Variants in SCYL2 observed in about 807,000 individuals in gnomAD.
SCYL2 encodes SCY1 like pseudokinase 2.
In SCYL2, 36 loss-of-function variants were observed where a neutral mutation model predicts 100.4. That is an observed-to-expected ratio of 0.36 (90% confidence interval 0.27 to 0.47). SCYL2 has a LOEUF of 0.47. Ranked by LOEUF, SCYL2 falls within the 20% of genes least tolerant of loss-of-function variation. The probability of loss-of-function intolerance (pLI) is 1.00; values close to 1 mark genes in which losing one functional copy is unlikely to be tolerated. For missense variants in SCYL2, 902 were observed against 1,083.9 expected (o/e 0.83, Z 2.36); for synonymous variants, 330 against 359.2 (o/e 0.92, Z 0.92).
At chr12:100,323,833 A>T in intron 11 of SCYL2, 195 bp downstream of exon 11, 1 of 353,888 alleles carries the variant, frequency 2.8e-6, no homozygotes, top group Middle Eastern at 3.4e-4. Flanking sequence ...TCCTAACCTT[A>T]CTTGCTGTCC....
intron 1 of SCYL2, among the ~76,000 whole-genome samples, chr12:100,278,869 C>CAAAAG (rs2096295255): frequency 6.6e-6 from 1 of 152,136 alleles, no homozygotes; most frequent in African/African-American, 2.4e-5. Flanking sequence ...ACCTTGTGAT[C>CAAAAG]TGCCTACCTC....
At chr12:100,275,119 T>C (rs544440182) in intron 1 of SCYL2, among the ~76,000 whole-genome samples, 30 of 152,224 alleles carry the variant, frequency 2.0e-4, no homozygotes, top group Non-Finnish European at 3.7e-4. Flanking sequence ...CTTGTTAAAT[T>C]TATTCATAGG....
Position 100,267,249 on chromosome 12 carries a change from G to T in SCYL2, c.-572G>T. The T allele has an allele frequency of 3.0e-6, 2 of 661,072 alleles. No individual in the cohort carries two copies. Among genetic ancestry groups the T allele is most frequent in the South Asian group, 4.3e-5 (2 of 46,974 alleles). The allele number at this position is 661,072 out of a possible 1,614,324, so 41.0% of individuals were successfully genotyped here. On this transcript the variant is annotated 5_prime_UTR_variant, in exon 1 of 18. Transcript: ENST00000360820. Reference sequence around the variant, plus strand: ...CCACCCCTTTCCTTCTAGCTCCGACGTTTGCGGCCGCGGGGGCGGCGGAGG... The same window carrying T: ...CCACCCCTTTCCTTCTAGCTCCGACTTTTGCGGCCGCGGGGGCGGCGGAGG...
intron 2 of SCYL2, among the ~76,000 whole-genome samples, chr12:100,290,453 G>A (rs1189713565): frequency 1.3e-5 from 2 of 152,146 alleles, no homozygotes; most frequent in Admixed American, 6.5e-5. Flanking sequence ...AGTTATGTTT[G>A]AGAAATTTAT....
chr12:100,282,536 G>C (rs1360828428), intron 1 of SCYL2, among the ~76,000 whole-genome samples: 2 of 151,956 alleles, frequency 1.3e-5, no homozygotes, highest in Non-Finnish European at 2.9e-5. Context: ...ATGTTGGCCA[G>C]CTGGTCTCAA....
intron 2 of SCYL2, among the ~76,000 whole-genome samples, chr12:100,286,534 G>C (rs564392225): frequency 6.6e-6 from 1 of 152,138 alleles, no homozygotes; most frequent in Admixed American, 6.5e-5. Flanking sequence ...TTGTTGACCT[G>C]ATAGTTTTGC....
Position 100,339,103 on chromosome 12 carries a change from T to C in SCYL2, c.2721T>C (p.Phe907=). ...QGNPFFNPQN[F]AQPPTTMTNS... ...ATCCTTTCTTTAACCCACAGAACTT[T>C]GCACAGCCACCAACTACTATGACCA... Residue 907 remains phenylalanine (F), a synonymous_variant, in exon 18 of 18, where the codon TTT becomes TTC. Coordinates refer to ENST00000360820, the MANE Select transcript of SCYL2 (RefSeq NM_017988.6). The C allele has an allele frequency of 1.9e-6, 3 of 1,614,082 alleles. No homozygotes were observed. Among genetic ancestry groups the C allele is most frequent in the Non-Finnish European group, 1.7e-6 (2 of 1,179,950 alleles).
chr12:100,325,663 C>T (rs1170974332), intron 11 of SCYL2, among the ~76,000 whole-genome samples: 2 of 151,940 alleles, frequency 1.3e-5, no homozygotes, highest in African/African-American at 2.4e-5. Flanking sequence ...GTAAAATCCT[C>T]CAAGAGCTAT....
At position 100,314,543 on chromosome 12, in the gene SCYL2, T is replaced by C. The variant is rs1236365778; in HGVS notation, c.1024T>C (p.Phe342Leu). Residue 342 changes from phenylalanine (F) to leucine (L), a missense_variant, in exon 8 of 18, where the codon TTC becomes CTC. Physicochemically the swap from Phe to Leu is conservative, Grantham distance 22. Coordinates refer to ENST00000360820, the MANE Select transcript of SCYL2 (RefSeq NM_017988.6). ...AVTLQYFDTL[F>L]QRDNLQKSQF... Reference sequence around the variant, plus strand: ...AACACTGCAATATTTTGATACCTTATTCCAAAGAGATAATCTTCAGAAATC... The same window carrying C: ...AACACTGCAATATTTTGATACCTTACTCCAAAGAGATAATCTTCAGAAATC... 6.3e-7 allele frequency: 1 copy of C among 1,599,600 alleles called. No individual in the cohort carries two copies. The highest frequency in any genetic ancestry group is 2.2e-5 in the East Asian group (1 of 44,472).
At chr12:100,313,216 A>G (rs2096344309) in intron 6 of SCYL2, among the ~76,000 whole-genome samples, 1 of 152,220 alleles carries the variant, frequency 6.6e-6, no homozygotes, top group Non-Finnish European at 1.5e-5. Context: ...AAATATAAAT[A>G]CTGGAACATT....
At chr12:100,333,038 A>G (rs992769487) in intron 13 of SCYL2, among the ~76,000 whole-genome samples, 1 of 151,004 alleles carries the variant, frequency 6.6e-6, no homozygotes, top group South Asian at 2.1e-4. Context: ...TTATCTGGCT[A>G]CTAGTTACAT....
chr12:100,336,038 C>T, intron 16 of SCYL2, 132 bp downstream of exon 16: 1 of 684,172 alleles, frequency 1.5e-6, no homozygotes, highest in East Asian at 2.7e-5. Context: ...TCTGAAATTC[C>T]TTTATCAGTT....
At chr12:100,321,908 GGC>G (rs2096356158) in intron 10 of SCYL2, among the ~76,000 whole-genome samples, 1 of 151,934 alleles carries the variant, frequency 6.6e-6, no homozygotes, top group South Asian at 2.1e-4. Context: ...AAATTAACCA[GGC>G]ATGGCAGTGC....
intron 1 of SCYL2, among the ~76,000 whole-genome samples, chr12:100,269,381 T>C (rs1300751284): frequency 6.6e-6 from 1 of 152,102 alleles, no homozygotes; most frequent in Non-Finnish European, 1.5e-5. Flanking sequence ...GGGAAGACTT[T>C]CCTGATTAGA....
Position 100,339,547 on chromosome 12 carries a change from A to G in SCYL2, c.*375A>G, listed in dbSNP as rs748285198. The G allele has an allele frequency of 4.1e-5, 10 of 241,932 alleles. No individual in the cohort carries two copies. The highest frequency in any genetic ancestry group is 6.9e-5 in the African/African-American group (3 of 43,338). 15.0% of individuals were successfully genotyped at this position (241,932 alleles called of 1,614,324 possible). A position where few individuals can be genotyped will look rare whatever the true frequency, so the allele number is the denominator to read the frequency against. On this transcript the variant is annotated 3_prime_UTR_variant, in exon 18 of 18. Transcript: ENST00000360820. ...GGTGATGGTCATTGCAAGCTCATCT[A>G]TTAAGTACTATATGGTACACAGTCT... is the stretch of plus-strand genomic sequence containing the variant.
intron 9 of SCYL2, chr12:100,317,556 G>A (rs2096350396): frequency 1.2e-6 from 1 of 807,432 alleles, no homozygotes; most frequent in African/African-American, 1.8e-5. Flanking sequence ...ATAGATTACT[G>A]TAGATATGTG....
Position 100,338,895 on chromosome 12 carries a change from C to G in SCYL2, c.2513C>G (p.Ser838Cys), listed in dbSNP as rs1952316377. The G allele has an allele frequency of 6.2e-7, 1 of 1,614,056 alleles. No homozygotes were observed. Among genetic ancestry groups the G allele is most frequent in the Admixed American group, 1.7e-5 (1 of 60,006 alleles). The change falls in exon 18 of 18, where the codon TCT becomes TGT. Residue 838 changes from serine to cysteine, a missense_variant. Coordinates refer to ENST00000360820, the MANE Select transcript of SCYL2 (RefSeq NM_017988.6). ...KQTQQRPTDM[S>C]ALNNLFGPQK... The stretch of plus-strand genomic sequence containing the variant: ...ACCCAACAAAGACCCACAGATATGT[C>G]TGCCCTTAATAATCTCTTTGGCCCT...
chr12:100,300,794 C>A (rs1021956749), intron 4 of SCYL2, among the ~76,000 whole-genome samples: 1 of 152,052 alleles, frequency 6.6e-6, no homozygotes, highest in African/African-American at 2.4e-5. Context: ...ATAATGACAC[C>A]CAGTTCCATC....
intron 1 of SCYL2, among the ~76,000 whole-genome samples, chr12:100,271,024 A>C (rs1457167628): frequency 6.6e-6 from 1 of 151,668 alleles, no homozygotes; most frequent in Non-Finnish European, 1.5e-5. Context: ...ATAATTAGAT[A>C]CTCTTTGTAA....
Sources: gnomAD v4.1 joint callset for allele counts (sites outside exome capture counted in the v4.1 genomes callset) on GRCh38, gnomAD v4.1.1 for gene constraint, MANE v1.5 for transcripts, NCBI Gene and HGNC (gene_info 2026-07-23, HGNC 2026-07-21) for gene names.